Variants in CDKL3 observed in about 807,000 individuals in gnomAD.
CDKL3 encodes the protein cyclin dependent kinase like 3, also known as cyclin-dependent kinase-like 3.
In CDKL3, 65 loss-of-function variants were observed where a neutral mutation model predicts 69.3. The observed-to-expected ratio is 0.94, with a 90% CI of 0.77 to 1.15. The LOEUF is 1.15. Among genes scored for constraint, CDKL3 ranks in the 50% most tolerant of loss-of-function variants. CDKL3 has a pLI of 0.00. For missense variants in CDKL3, 652 were observed against 689.2 expected (o/e 0.95, Z 0.61); for synonymous variants, 202 against 221.6 (o/e 0.91, Z 0.79).
chr5:134,304,870 T>C (rs1185714986), intron 10 of CDKL3, among the ~76,000 whole-genome samples: 1 of 150,538 alleles, frequency 6.6e-6, no homozygotes, highest in Non-Finnish European at 1.5e-5. Context: ...TGCATTGGCA[T>C]GATCATGACT....
At chr5:134,361,553 C>T (rs1756017233) in intron 2 of CDKL3, among the ~76,000 whole-genome samples, 1 of 152,190 alleles carries the variant, frequency 6.6e-6, no homozygotes, top group East Asian at 1.9e-4. Flanking sequence ...CTCCAAATTT[C>T]CCTGGTTGGC....
chr5:134,324,211 G>A (rs996222273), intron 4 of CDKL3, among the ~76,000 whole-genome samples: 4 of 152,124 alleles, frequency 2.6e-5, no homozygotes, highest in Admixed American at 2.0e-4. Context: ...GGTGAGGATG[G>A]CAAACAACAG....
intron 5 of CDKL3, among the ~76,000 whole-genome samples, chr5:134,320,756 C>G (rs1215899736): frequency 1.3e-5 from 2 of 151,452 alleles, no homozygotes; most frequent in East Asian, 4.0e-4. Context: ...CACCTGTAGT[C>G]CCAGCTACTC....
chr5:134,326,844 TATATATATATATATATATATATAC>T (rs1326500980), intron 4 of CDKL3, among the ~76,000 whole-genome samples: 2,014 of 128,868 alleles, frequency 0.016, 74 homozygotes, highest in East Asian at 0.041. Flanking sequence ...TATATATATA[TATATATATATATATATATATATAC>T]ACACACACAC....
rs1757593227 is a variant in CDKL3 at position 134,366,989 on chromosome 5, C to A, written c.-34G>T. 1 of 989,582 alleles carries A rather than the reference C, an allele frequency of 1.0e-6. No homozygotes were observed. The highest frequency in any genetic ancestry group is 1.7e-5 in the African/African-American group (1 of 57,304). 61.3% of individuals were successfully genotyped at this position (989,582 alleles called of 1,614,324 possible). A position where few individuals can be genotyped will look rare whatever the true frequency, so the allele number is the denominator to read the frequency against. On this transcript the variant is annotated 5_prime_UTR_variant, in exon 1 of 13. Transcript: ENST00000265334. ...TAGGATGCCGGACCGGCGTCACGCC[C>A]CACGTCCCGCTGTTGACTTTATCCA...
chr5:134,359,966 T>C lies in CDKL3; in HGVS notation c.291A>G (p.Leu97=). The change falls in exon 3 of 13, where the codon CTA becomes CTG. Residue 97 remains leucine (L), a synonymous_variant. Transcript: ENST00000265334. ...LDELQHYCHG[L]ESKRLRKYLF... ...GGTATTTTCTAAGTCGCTTACTCTC[T>C]AGTCCATGACAATAATGTTGTAACT... is the stretch of plus-strand genomic sequence containing the variant. 3.8e-6 allele frequency: 6 copies of C among 1,582,030 alleles called. No individual in the cohort carries two copies. The highest frequency in any genetic ancestry group is 5.2e-6 in the Non-Finnish European group (6 of 1,162,290).
rs1458565565 is a variant in CDKL3 at position 134,290,667 on chromosome 5, T to G, written c.*678-4108A>C. ...GTGAAGTGGGAAGCCATGAGGGTTT[T>G]GGGCAGAGCAATGACATCATCTGAT... On this transcript the variant is annotated intron_variant and NMD_transcript_variant, in intron 8 of 8. Coordinates refer to the CDKL3 transcript ENST00000519312. Among the ~76,000 whole-genome samples, 26 of 152,054 alleles carry G rather than the reference T, an allele frequency of 1.7e-4. 1 individual carries two copies. The highest frequency in any genetic ancestry group is 1.6e-3 in the Admixed American group (25 of 15,246).
At chr5:134,290,881 GAAGAAACTGAAGAAC>G in intron 8 of CDKL3, among the ~76,000 whole-genome samples, 1 of 152,136 alleles carries the variant, frequency 6.6e-6, no homozygotes, top group Middle Eastern at 3.4e-3. Context: ...CATTGAAACT[GAAGAAACTGAAGAAC>G]AAGAAACTGA....
chr5:134,306,687 T>C lies in CDKL3; in HGVS notation c.1380A>G (p.Ala460=), dbSNP rs374855455. Reference sequence around the variant, plus strand: ...ATTGTGAAGAAGTGCGTCTCTTTTTTGCTCTTTCAGTTAACCTATTATTTA... The same window carrying C: ...ATTGTGAAGAAGTGCGTCTCTTTTTCGCTCTTTCAGTTAACCTATTATTTA... The part of the protein sequence containing the change: ...FHPSVRLTER[A]KKRRTSSQSI... Residue 460 remains alanine, a synonymous_variant, in exon 10 of 13, where the codon GCA becomes GCG. Coordinates refer to ENST00000265334, the MANE Select transcript of CDKL3 (RefSeq NM_001113575.2). 1.9e-6 allele frequency: 3 copies of C among 1,570,138 alleles called. No individual in the cohort carries two copies. The highest frequency in any genetic ancestry group is 1.4e-5 in the African/African-American group (1 of 71,372).
At chr5:134,327,368 C>G (rs10479075) in intron 4 of CDKL3, among the ~76,000 whole-genome samples, 1,663 of 152,260 alleles carry the variant, frequency 0.011, 38 homozygotes, top group African/African-American at 0.038. Context: ...AACAGTATAA[C>G]TTAGAGAGAA....
intron 8 of CDKL3, among the ~76,000 whole-genome samples, chr5:134,291,428 A>G (rs1371195137): frequency 6.6e-6 from 1 of 152,222 alleles, no homozygotes; most frequent in Admixed American, 6.5e-5. Flanking sequence ...ACGAAACATC[A>G]TATCTCTTGC....
rs556610182 is a variant in CDKL3 at position 134,359,766 on chromosome 5, C to A, written c.360+131G>T. On this transcript the variant is annotated intron_variant, in intron 3 of 12. Transcript: ENST00000265334. ...AGGTAGTGCCCCCTATTCCCTATCC[C>A]CATTTTCAGGATGTCTATTATTATT... 5.8e-6 allele frequency: 4 copies of A among 684,716 alleles called. No homozygotes were observed. In the East Asian group the frequency reaches 1.2e-4, roughly 20 times the overall value. The allele number at this position is 684,716 out of a possible 1,614,324, so 42.4% of individuals were successfully genotyped here.
chr5:134,298,385 TTG>T, downstream of CDKL3: 1 of 1,226,510 alleles, frequency 8.2e-7, no homozygotes, highest in Non-Finnish European at 1.0e-6. Context: ...ATGTCACGGC[TTG>T]TGTTATCCAC....
intron 3 of CDKL3, among the ~76,000 whole-genome samples, chr5:134,359,278 AC>A (rs1320149525): frequency 3.9e-5 from 6 of 152,242 alleles, no homozygotes; most frequent in Non-Finnish European, 7.4e-5. Context: ...AGCCTGGGCA[AC>A]GAGAGCAAAA....
At chr5:134,288,806 C>T (rs1196191832) in intron 8 of CDKL3, among the ~76,000 whole-genome samples, 3 of 152,086 alleles carry the variant, frequency 2.0e-5, no homozygotes, top group Non-Finnish European at 4.4e-5. Flanking sequence ...GCTGGGAAAA[C>T]TGAGGCAGCA....
intron 4 of CDKL3, among the ~76,000 whole-genome samples, chr5:134,324,466 G>A (rs577364218): frequency 2.9e-3 from 440 of 152,170 alleles, no homozygotes; most frequent in African/African-American, 0.01. Flanking sequence ...TAGGTGAGTG[G>A]ATAAACAAAC....
downstream of CDKL3, among the ~76,000 whole-genome samples, chr5:134,297,225 T>C (rs1363421161): frequency 2.6e-5 from 4 of 152,100 alleles, no homozygotes; most frequent in Non-Finnish European, 4.4e-5. Flanking sequence ...GTGCTGGGAT[T>C]ATAGGCGTGA....
intron 7 of CDKL3, among the ~76,000 whole-genome samples, chr5:134,309,363 G>A (rs4576202): frequency 0.14 from 21,777 of 152,126 alleles, 1,873 homozygotes; most frequent in African/African-American, 0.23. Context: ...GATTACAAGC[G>A]TCAGCCACTG....
upstream of CDKL3, chr5:134,371,219 G>A (rs1395306273): frequency 1.7e-5 from 5 of 295,580 alleles, no homozygotes; most frequent in Admixed American, 1.0e-4. Flanking sequence ...AACTAGTGAC[G>A]GGGAGGGAGA....
Sources: gnomAD v4.1 joint callset for allele counts (sites outside exome capture counted in the v4.1 genomes callset) on GRCh38, gnomAD v4.1.1 for gene constraint, MANE v1.5 for transcripts, NCBI Gene and HGNC (gene_info 2026-07-23, HGNC 2026-07-21) for gene names.